Variants in PSME4 observed in about 807,000 individuals in gnomAD.
PSME4 encodes proteasome activator subunit 4.
PSME4 carries 89 observed loss-of-function variants against 253.9 expected under a neutral mutation model. The observed-to-expected ratio is 0.35, with a 90% CI of 0.30 to 0.42. PSME4 has a LOEUF of 0.42. Ranked by LOEUF, PSME4 falls within the 10% of genes least tolerant of loss-of-function variation. The probability of loss-of-function intolerance (pLI) is 1.00; values close to 1 mark genes in which losing one functional copy is unlikely to be tolerated. For missense variants in PSME4, 2,014 were observed against 2,195.2 expected, an observed-to-expected ratio of 0.92 and a Z score of 1.65; for synonymous variants, 851 against 759.2, an observed-to-expected ratio of 1.12 and a Z score of -1.99.
intron 20 of PSME4, among the ~76,000 whole-genome samples, chr2:53,914,106 T>C (rs1437738235): frequency 1.3e-5 from 2 of 152,152 alleles, no homozygotes; most frequent in Non-Finnish European, 2.9e-5. Context: ...ACGTAATAAA[T>C]CTATCAGAGG....
At chr2:53,882,794 A>G (rs908070032) in intron 41 of PSME4, among the ~76,000 whole-genome samples, 1 of 152,184 alleles carries the variant, frequency 6.6e-6, no homozygotes, top group Non-Finnish European at 1.5e-5. Flanking sequence ...TGACATGGAA[A>G]CGTACATACA....
chr2:53,940,952 CATATAT>C (rs1169212491), intron 3 of PSME4, among the ~76,000 whole-genome samples: 12 of 24,008 alleles, frequency 5.0e-4, no homozygotes, highest in African/African-American at 1.3e-3. Flanking sequence ...TATATATATA[CATATAT>C]ATATATATAT....
intron 14 of PSME4, among the ~76,000 whole-genome samples, chr2:53,924,665 G>A (rs527342678): frequency 3.3e-4 from 50 of 152,088 alleles, no homozygotes; most frequent in African/African-American, 8.9e-4. Flanking sequence ...GGGTACATGT[G>A]CACAACATGC....
chr2:53,949,064 C>T, intron 2 of PSME4, 79 bp downstream of exon 2: 31 of 1,412,238 alleles, frequency 2.2e-5, no homozygotes, highest in South Asian at 1.1e-4. Flanking sequence ...GTCTTCTTAC[C>T]AAAAACACTT....
At chr2:53,950,265 C>G (rs1391692836) in intron 1 of PSME4, among the ~76,000 whole-genome samples, 1 of 148,668 alleles carries the variant, frequency 6.7e-6, no homozygotes, top group Non-Finnish European at 1.5e-5. Context: ...GCCTAGGCGA[C>G]AGAGTGAGAT....
chr2:53,915,761 T>C (rs1255717439), intron 20 of PSME4, among the ~76,000 whole-genome samples: 1 of 151,974 alleles, frequency 6.6e-6, no homozygotes, highest in Non-Finnish European at 1.5e-5. Context: ...TATATAAGTT[T>C]AAATGTTTAA....
At chr2:53,907,387 G>A (rs1573259943) in intron 24 of PSME4, among the ~76,000 whole-genome samples, 2 of 152,108 alleles carry the variant, frequency 1.3e-5, no homozygotes, top group East Asian at 3.8e-4. Context: ...TCACACCACA[G>A]TTCCTTAGTC....
At chr2:53,894,135 A>G (rs1680035187) in intron 34 of PSME4, among the ~76,000 whole-genome samples, 1 of 152,244 alleles carries the variant, frequency 6.6e-6, no homozygotes, top group African/African-American at 2.4e-5. Context: ...ACTATAAGTC[A>G]AGCCCCAACA....
chr2:53,962,577 C>T (rs909585215), intron 1 of PSME4, among the ~76,000 whole-genome samples: 2 of 152,136 alleles, frequency 1.3e-5, no homozygotes, highest in Non-Finnish European at 2.9e-5. Flanking sequence ...TTCTTAGTGC[C>T]TCAAAGTAAG....
rs766064584 is a variant in PSME4 at position 53,939,948 on chromosome 2, C to T, written c.545+8G>A. On this transcript the variant is annotated splice_region_variant and intron_variant, in intron 4 of 46. Coordinates refer to ENST00000404125, the MANE Select transcript of PSME4 (RefSeq NM_014614.3). ...ACAAGAGGCTTTATAAATTGAGAAG[C>T]TACTTACGGTCGGCAGCTTTTCACG... is the stretch of plus-strand genomic sequence containing the variant. The T allele has an allele frequency of 6.3e-6, 10 of 1,587,230 alleles. No homozygotes were observed. Among genetic ancestry groups the T allele is most frequent in the Non-Finnish European group, 7.8e-6 (9 of 1,158,162 alleles).
At chr2:53,930,484 G>A (rs887079085) in intron 10 of PSME4, among the ~76,000 whole-genome samples, 2 of 152,102 alleles carry the variant, frequency 1.3e-5, no homozygotes, top group Non-Finnish European at 1.5e-5. Context: ...GGTTGAAGAC[G>A]GACAGGAAAC....
intron 41 of PSME4, among the ~76,000 whole-genome samples, chr2:53,880,144 G>A (rs1199757942): frequency 6.6e-6 from 1 of 152,106 alleles, no homozygotes; most frequent in Non-Finnish European, 1.5e-5. Context: ...GAGACAAAGA[G>A]GTGTGCAAAA....
chr2:53,903,878 G>T (rs899612051), intron 27 of PSME4, 147 bp downstream of exon 27: 1 of 563,564 alleles, frequency 1.8e-6, no homozygotes, highest in Non-Finnish European at 2.9e-6. Flanking sequence ...TTAAAAAAAA[G>T]AACAGATATG....
intron 28 of PSME4, 96 bp downstream of exon 28, chr2:53,901,254 G>T: frequency 8.7e-7 from 1 of 1,148,758 alleles, no homozygotes; most frequent in Non-Finnish European, 1.3e-6. Flanking sequence ...CAAATGCCAA[G>T]AATATTATTA....
At chr2:53,875,965 CCT>C (rs1318135773) in intron 41 of PSME4, among the ~76,000 whole-genome samples, 2 of 152,090 alleles carry the variant, frequency 1.3e-5, no homozygotes, top group Non-Finnish European at 2.9e-5. Context: ...TTTTTCCTCC[CCT>C]CTGACTCTCA....
In PSME4 at chr2:53,899,963, A is replaced by C; in HGVS notation, c.3340T>G (p.Ser1114Ala). ...GGGCTAAGCAATATCTGGTTGATAGAGGGGTTTTTTGACTGTTGAAGTAAT... is the reference window on the plus strand; with the variant it reads ...GGGCTAAGCAATATCTGGTTGATAGCGGGGTTTTTTGACTGTTGAAGTAAT... Reference protein sequence around the residue: ...AELLQQSKNPSINQILLSPEK... With the variant: ...AELLQQSKNPAINQILLSPEK... Residue 1114 changes from serine (S) to alanine (A), a missense_variant, in exon 29 of 47, where the codon TCT becomes GCT. Ser to Ala is a moderately conservative substitution (Grantham distance 99). Coordinates refer to ENST00000404125, the MANE Select transcript of PSME4 (RefSeq NM_014614.3). 1 of 1,613,518 alleles carries C rather than the reference A, an allele frequency of 6.2e-7. No individual in the cohort carries two copies. Among genetic ancestry groups the C allele is most frequent in the South Asian group, 1.1e-5 (1 of 91,068 alleles).
rs1573267770 is a variant in PSME4, at chr2:53,910,734, A to G, written c.2517-604T>C. On this transcript the variant is annotated intron_variant, in intron 20 of 46. Transcript: ENST00000404125. ...CAGACCCAGCCAGTTAAATTCATTGAACAGTTAAAAGTCACTTTTTACATA... is the reference window on the plus strand; with the variant it reads ...CAGACCCAGCCAGTTAAATTCATTGGACAGTTAAAAGTCACTTTTTACATA... Among the ~76,000 whole-genome samples, 5 of 152,384 alleles carry G rather than the reference A, an allele frequency of 3.3e-5. No homozygotes were observed. In the South Asian group the frequency reaches 1.0e-3, roughly 32 times the overall value.
rs1187494746 is a variant in PSME4, at chr2:53,970,703, G to A, written c.82C>T (p.Pro28Ser). 3 of 1,549,048 alleles carry A rather than the reference G, an allele frequency of 1.9e-6. No individual in the cohort carries two copies. Among genetic ancestry groups the A allele is most frequent in the African/African-American group, 1.4e-5 (1 of 73,018 alleles). Reference protein sequence around the residue: ...RPEPGPRGFVPQKEIVYNKLL... With the variant: ...RPEPGPRGFVSQKEIVYNKLL... ...TTGTTGTAGACGATCTCCTTCTGCG[G>A]GACGAAGCCCCGCGGGCCCGGCTCG... is the stretch of plus-strand genomic sequence containing the variant. Residue 28 changes from proline to serine, a missense_variant, in exon 1 of 47, where the codon CCG (proline) becomes TCG (serine). Pro to Ser is a moderately conservative substitution (Grantham distance 74, BLOSUM62 -1). Coordinates refer to ENST00000404125, the MANE Select transcript of PSME4 (RefSeq NM_014614.3).
At chr2:53,888,392 T>C (rs1679738990) in intron 38 of PSME4, 1 of 253,620 alleles carries the variant, frequency 3.9e-6, no homozygotes, top group Non-Finnish European at 7.5e-6. Flanking sequence ...TCTTTCTTTG[T>C]ATCTTTTTAA....
Sources: gnomAD v4.1 joint callset for allele counts (sites outside exome capture counted in the v4.1 genomes callset) on GRCh38, gnomAD v4.1.1 for gene constraint, MANE v1.5 for transcripts, NCBI Gene and HGNC (gene_info 2026-07-23, HGNC 2026-07-21) for gene names.